ARPC5L: variants seen among roughly 807,000 people sequenced by gnomAD.
ARPC5L encodes actin related protein 2/3 complex subunit 5 like, also known as actin-related protein 2/3 complex subunit 5-like protein.
In ARPC5L, 4 loss-of-function variants were observed where a neutral mutation model predicts 16.9. That is an observed-to-expected ratio of 0.24 (90% CI 0.12 to 0.54). ARPC5L has a LOEUF of 0.54. Ranked by LOEUF, ARPC5L falls within the 20% of genes least tolerant of loss-of-function variation. The pLI, the probability that ARPC5L is intolerant of heterozygous loss-of-function variation, is 0.95. For missense variants in ARPC5L, 151 were observed against 201.9 expected (o/e 0.75, Z 1.53); for synonymous variants, 78 against 82.6 (o/e 0.94, Z 0.30).
chr9:124,873,666 G>A lies in ARPC5L; in HGVS notation c.150-26G>A, dbSNP rs1306747244. The A allele has an allele frequency of 1.9e-6, 3 of 1,613,904 alleles. No homozygotes were observed. The South Asian group carries it at 3.3e-5, about 18-fold the overall frequency. On this transcript the variant is annotated intron_variant, in intron 3 of 5. Coordinates refer to ENST00000353214, the MANE Select transcript of ARPC5L (RefSeq NM_030978.3). ...GACGGCATGGATGTGCTTGAGCCTA[G>A]CTATCCTTAACTGGTGGTGATGCAC...
At chr9:124,870,106 G>A (rs1466277023) in intron 3 of ARPC5L, among the ~76,000 whole-genome samples, 1 of 152,202 alleles carries the variant, frequency 6.6e-6, no homozygotes, top group Admixed American at 6.5e-5. Context: ...TCTCAGCCAC[G>A]CTCAACAAGT....
chr9:124,870,161 G>A (rs895150215), intron 3 of ARPC5L, among the ~76,000 whole-genome samples: 1 of 152,218 alleles, frequency 6.6e-6, no homozygotes, highest in African/African-American at 2.4e-5. Context: ...GGAAGCAGCG[G>A]AGAAAACTAG....
At chr9:124,876,262 G>A (rs539801286) in intron 5 of ARPC5L, among the ~76,000 whole-genome samples, 10 of 152,296 alleles carry the variant, frequency 6.6e-5, no homozygotes, top group South Asian at 4.1e-4. Flanking sequence ...GGAGGCAGGC[G>A]GATGACCTGA....
intron 2 of ARPC5L, among the ~76,000 whole-genome samples, chr9:124,865,165 G>A (rs1268883172): frequency 6.6e-6 from 1 of 151,922 alleles, no homozygotes; most frequent in Non-Finnish European, 1.5e-5. Context: ...AGTCTAGGCC[G>A]GGCGTGGTGG....
At chr9:124,870,860 T>G (rs193129417) in intron 3 of ARPC5L, among the ~76,000 whole-genome samples, 1 of 152,286 alleles carries the variant, frequency 6.6e-6, no homozygotes, top group East Asian at 1.9e-4. Context: ...GGGACTCCCC[T>G]GCCTGGTGAC....
At chr9:124,870,539 T>C (rs978219134) in intron 3 of ARPC5L, among the ~76,000 whole-genome samples, 1 of 152,174 alleles carries the variant, frequency 6.6e-6, no homozygotes, top group African/African-American at 2.4e-5. Context: ...CTCCTGAGTG[T>C]GCCTTTAAAC....
At chr9:124,872,378 G>A (rs145404716) in intron 3 of ARPC5L, among the ~76,000 whole-genome samples, 44 of 152,270 alleles carry the variant, frequency 2.9e-4, no homozygotes, top group Middle Eastern at 6.8e-3. Flanking sequence ...GACAGATCAC[G>A]AGGTCAGGAG....
intron 2 of ARPC5L, among the ~76,000 whole-genome samples, chr9:124,865,021 G>A (rs916311793): frequency 1.3e-5 from 2 of 150,852 alleles, no homozygotes; most frequent in Non-Finnish European, 3.0e-5. Flanking sequence ...TAGTAGAGAC[G>A]GCATTTCACC....
At chr9:124,876,522 CCT>C (rs1564314193) in intron 5 of ARPC5L, among the ~76,000 whole-genome samples, 2 of 152,186 alleles carry the variant, frequency 1.3e-5, no homozygotes, top group Non-Finnish European at 2.9e-5. Context: ...GTGGTGCACA[CCT>C]GTGGTCCCAG....
Position 124,877,447 on chromosome 9 carries a change from A to AATGGTAATGAATGGG in ARPC5L, c.*521_*535dup, listed in dbSNP as rs1031230301. 6.5e-6 allele frequency: 1 copy of AATGGTAATGAATGGG among 153,386 alleles called. No individual in the cohort carries two copies. The highest frequency in any genetic ancestry group is 2.1e-4 in the South Asian group (1 of 4,872). 9.5% of individuals were successfully genotyped at this position (153,386 alleles called of 1,614,324 possible). A position where few individuals can be genotyped will look rare whatever the true frequency, so the allele number is the denominator to read the frequency against. Reference sequence around the variant, plus strand: ...GGTGTGTTTCGTGTATGTAAAAAAAAATGGTAATGAATGGGATGGTAATGA... The same window carrying AATGGTAATGAATGGG: ...GGTGTGTTTCGTGTATGTAAAAAAAAATGGTAATGAATGGGATGGTAATGAATGGGATGGTAATGA... On this transcript the variant is annotated 3_prime_UTR_variant, in exon 6 of 6. Transcript: ENST00000353214.
chr9:124,874,503 G>A (rs1217881719), intron 4 of ARPC5L, among the ~76,000 whole-genome samples: 1 of 152,058 alleles, frequency 6.6e-6, no homozygotes, highest in Non-Finnish European at 1.5e-5. Context: ...GACCAGCCTG[G>A]GCAACATAGC....
rs912997446 is a variant in ARPC5L at position 124,862,366 on chromosome 9, C to T, written c.-1016C>T. On this transcript the variant is annotated 5_prime_UTR_variant, in exon 1 of 6. Coordinates refer to ENST00000353214, the MANE Select transcript of ARPC5L (RefSeq NM_030978.3). The stretch of plus-strand genomic sequence containing the variant: ...TGACGGGAGGAGGGGCCAGAGTTTT[C>T]AAAGACGATTAACCGAGGCTCACGT... 1 of 166,510 alleles carries T rather than the reference C, an allele frequency of 6.0e-6. No individual in the cohort carries two copies. Among genetic ancestry groups the T allele is most frequent in the Non-Finnish European group, 1.3e-5 (1 of 77,610 alleles). The allele number at this position is 166,510 out of a possible 1,614,324, so 10.3% of individuals were successfully genotyped here. A position where few individuals can be genotyped will look rare whatever the true frequency, so the allele number is the denominator to read the frequency against.
chr9:124,873,997 C>T (rs933758626), intron 4 of ARPC5L, among the ~76,000 whole-genome samples: 1 of 152,206 alleles, frequency 6.6e-6, no homozygotes, highest in Non-Finnish European at 1.5e-5. Context: ...TGCTCACGGC[C>T]TCGTAGGCTG....
chr9:124,862,750 T>C (rs1829220300), intron 1 of ARPC5L, among the ~76,000 whole-genome samples: 1 of 152,096 alleles, frequency 6.6e-6, no homozygotes, highest in Non-Finnish European at 1.5e-5. Flanking sequence ...GATCTTGAAC[T>C]CCTCAGCTCA....
At chr9:124,875,317 C>T (rs1438948162) in intron 5 of ARPC5L, among the ~76,000 whole-genome samples, 166 bp downstream of exon 5, 1 of 152,208 alleles carries the variant, frequency 6.6e-6, no homozygotes, top group Non-Finnish European at 1.5e-5. Context: ...CCCAAGGAAG[C>T]TCCTGGTAGG....
At chr9:124,867,867 T>A (rs543513735) in intron 2 of ARPC5L, among the ~76,000 whole-genome samples, 9 of 148,968 alleles carry the variant, frequency 6.0e-5, no homozygotes, top group Non-Finnish European at 1.0e-4. Flanking sequence ...TGGAGCGTAA[T>A]GGCGCGATCT....
At chr9:124,871,237 G>C (rs1056664286) in intron 3 of ARPC5L, among the ~76,000 whole-genome samples, 1 of 152,192 alleles carries the variant, frequency 6.6e-6, no homozygotes, top group Non-Finnish European at 1.5e-5. Flanking sequence ...GACACAGATG[G>C]AGTAGAAGGA....
intron 1 of ARPC5L, among the ~76,000 whole-genome samples, chr9:124,862,908 C>T (rs997248166): frequency 2.6e-5 from 4 of 151,460 alleles, no homozygotes; most frequent in Non-Finnish European, 5.9e-5. Flanking sequence ...GAAGGCATGG[C>T]GCGCTCTCCG....
At position 124,864,621 on chromosome 9, in the gene ARPC5L, G is replaced by A. The variant is rs143489330; in HGVS notation, c.-864+514G>A. Among the ~76,000 whole-genome samples the A allele has an allele frequency of 1.5e-3, 228 of 152,194 alleles. 3 individuals are homozygous for A. The highest frequency in any genetic ancestry group is 5.0e-3 in the African/African-American group (208 of 41,536). ...TATTGAACTCTTAACCTTGTGATCC[G>A]CCTGCCTTGGCCTCCCAAAGTGCTG... is the stretch of plus-strand genomic sequence containing the variant. On this transcript the variant is annotated intron_variant, in intron 2 of 5. Coordinates refer to ENST00000353214, the MANE Select transcript of ARPC5L (RefSeq NM_030978.3).
Sources: allele counts gnomAD v4.1 joint callset (sites outside exome capture counted in the v4.1 genomes callset), GRCh38; gene constraint gnomAD v4.1.1; transcripts MANE v1.5; gene names NCBI Gene and HGNC (gene_info 2026-07-23, HGNC 2026-07-21).